Variants in ERCC2 observed in about 807,000 individuals in gnomAD.
ERCC2 encodes ERCC excision repair 2, TFIIH core complex helicase subunit.
A neutral mutation model predicts 99.4 loss-of-function variants in ERCC2; 90 were observed. The ratio of observed to expected loss-of-function variants is 0.91; its 90% CI spans 0.76 to 1.08. The LOEUF (loss-of-function observed/expected upper bound fraction) is 1.08. Among genes scored for constraint, ERCC2 ranks in the 50% least tolerant of loss-of-function variants. The pLI is 0.00. For synonymous variants in ERCC2, 497 were observed against 432.4 expected, an observed-to-expected ratio of 1.15 and a Z score of -1.85; for missense variants, 993 against 1,038.1, an observed-to-expected ratio of 0.96 and a Z score of 0.60.
chr19:45,349,892 T>G lies in ERCC2; in HGVS notation c.*1737A>C. On this transcript the variant is annotated 3_prime_UTR_variant, in exon 23 of 23. Transcript: ENST00000391945. ...GTGGCCGGCTCCCCTCTTAGCCCGG[T>G]CCCCACATCGCTAGTTCTTATAGCG... 1 of 464,304 alleles carries G rather than the reference T, an allele frequency of 2.2e-6. No individual in the cohort carries two copies. The highest frequency in any genetic ancestry group is 3.8e-6 in the Non-Finnish European group (1 of 259,930). The allele number at this position is 464,304 out of a possible 1,614,324, so 28.8% of individuals were successfully genotyped here.
In ERCC2 at chr19:45,368,714, G is replaced by T. The variant is rs982806873; in HGVS notation, c.276C>A (p.Asn92Lys). The T allele has an allele frequency of 3.1e-6, 5 of 1,613,796 alleles. No individual in the cohort carries two copies. In the African/African-American group the frequency reaches 5.3e-5, roughly 17 times the overall value. The change falls in exon 5 of 23, where the codon AAC becomes AAA. Residue 92 changes from asparagine (N) to lysine (K), a missense_variant. Asn to Lys is a moderately conservative substitution (Grantham distance 94). Coordinates refer to ENST00000391945, the MANE Select transcript of ERCC2 (RefSeq NM_000400.4). ...TCTCGCCCTCCTGCTTCTCATAGAA[G>T]TTGAGCAACTTTCGAAGCTCTTCAA... ...KVIEELRKLL[N>K]FYEKQEGEKL...
In ERCC2 at chr19:45,355,690, G is replaced by T. The variant is rs544159896; in HGVS notation, c.1518C>A (p.Ser506=). 5.4e-5 allele frequency: 87 copies of T among 1,614,196 alleles called. 1 individual carries two copies. In the South Asian group the frequency reaches 9.3e-4, roughly 17 times the overall value. Residue 506 remains serine, a synonymous_variant, in exon 16 of 23, where the codon TCC becomes TCA. Transcript: ENST00000391945. ...CAATATCCTCCCGGGTCTCAAATTT[G>T]GAGCTGATGGCCACCTGGTCATTGC... ...GRGNDQVAIS[S]KFETREDIAV... is the part of the protein sequence containing the mutation.
chr19:45,356,380 ACTC>A lies in ERCC2; in HGVS notation c.1480-655_1480-653del, dbSNP rs149467225. On this transcript the variant is annotated intron_variant, in intron 15 of 22. Coordinates refer to ENST00000391945, the MANE Select transcript of ERCC2 (RefSeq NM_000400.4). ...CCGAGTCTCTCCAGAGGCCTGACTT[ACTC>A]CTTAGTGTGATGCTTCCCAATCTTT... 2.6e-5 allele frequency among the ~76,000 whole-genome samples: 4 copies of A among 152,092 alleles called. No individual in the cohort carries two copies. The East Asian group carries it at 7.7e-4, about 29-fold the overall frequency.
At chr19:45,353,442 G>C (rs1599726982) in intron 17 of ERCC2, 108 bp from the exon 18 acceptor site, 1 of 754,042 alleles carries the variant, frequency 1.3e-6, no homozygotes, top group Admixed American at 2.0e-5. Context: ...GCCTCAGCTG[G>C]CTCATCTGAG....
At chr19:45,365,254 G>A (rs1972386338) in intron 5 of ERCC2, 96 bp from the exon 6 acceptor site, 2 of 914,662 alleles carry the variant, frequency 2.2e-6, no homozygotes, top group Non-Finnish European at 3.6e-6. Context: ...TGGGGTTTTG[G>A]ACAACTTGAA....
rs373327469 is a variant in ERCC2 at position 45,363,738 on chromosome 19, C to T, written c.1118+5G>A. ...CCCCACCCCGCGCGCTGTCTGGGGC[C>T]GCACCTGAGGGGCTTGCGCTGGATG... On this transcript the variant is annotated splice_donor_5th_base_variant and intron_variant, in intron 11 of 22. Coordinates refer to ENST00000391945, the MANE Select transcript of ERCC2 (RefSeq NM_000400.4). The T allele has an allele frequency of 1.3e-6, 2 of 1,531,130 alleles. No homozygotes were observed. Among genetic ancestry groups the T allele is most frequent in the South Asian group, 2.4e-5 (2 of 83,868 alleles). The allele number at this position is 1,531,130 out of a possible 1,614,324, so 94.8% of individuals were successfully genotyped here.
chr19:45,351,357 A>T lies in ERCC2; in HGVS notation c.*272T>A. 1 of 1,610,554 alleles carries T rather than the reference A, an allele frequency of 6.2e-7. No homozygotes were observed. Among genetic ancestry groups the T allele is most frequent in the Non-Finnish European group, 8.5e-7 (1 of 1,179,982 alleles). On this transcript the variant is annotated 3_prime_UTR_variant, in exon 23 of 23. Transcript: ENST00000391945. ...GCACCCAGGACCTGAGCCCCCACTAACGTCCAGTGAACTGCGCTGGCCGCA... is the reference window on the plus strand; with the variant it reads ...GCACCCAGGACCTGAGCCCCCACTATCGTCCAGTGAACTGCGCTGGCCGCA...
rs368521885 is a variant in ERCC2 at position 45,357,573 on chromosome 19, G to A, written c.1308-30C>T. The A allele has an allele frequency of 2.7e-5, 44 of 1,612,754 alleles. No individual in the cohort carries two copies. In the African/African-American group the frequency reaches 3.7e-4, roughly 14 times the overall value. ...AGAGAGATGAGGGCAGTGAGGGCCCGGGGGGCTGGGCCCCCGACCCACAGA... is the reference window on the plus strand; with the variant it reads ...AGAGAGATGAGGGCAGTGAGGGCCCAGGGGGCTGGGCCCCCGACCCACAGA... On this transcript the variant is annotated intron_variant, in intron 13 of 22. Coordinates refer to ENST00000391945, the MANE Select transcript of ERCC2 (RefSeq NM_000400.4).
intron 5 of ERCC2, 141 bp from the exon 6 acceptor site, chr19:45,365,299 G>C: frequency 1.4e-6 from 1 of 694,926 alleles, no homozygotes; most frequent in African/African-American, 1.8e-5. Flanking sequence ...AAGACGCGTG[G>C]GAACTTAATG....
Position 45,350,093 on chromosome 19 carries a change from C to T in ERCC2, c.*1536G>A. On this transcript the variant is annotated 3_prime_UTR_variant, in exon 23 of 23. Transcript: ENST00000391945. Reference sequence around the variant, plus strand: ...AAACCCACTCTGCCCCAGGGCAAGGCTTTAGGCAGGGGAAGGATACGGCCA... The same window carrying T: ...AAACCCACTCTGCCCCAGGGCAAGGTTTTAGGCAGGGGAAGGATACGGCCA... The T allele has an allele frequency of 1.9e-6, 1 of 533,100 alleles. No individual in the cohort carries two copies. The highest frequency in any genetic ancestry group is 3.4e-6 in the Non-Finnish European group (1 of 297,730). 33.0% of individuals were successfully genotyped at this position (533,100 alleles called of 1,614,324 possible).
intron 7 of ERCC2, 84 bp downstream of exon 7, chr19:45,364,754 C>G: frequency 7.7e-7 from 1 of 1,290,976 alleles, no homozygotes; most frequent in Non-Finnish European, 1.1e-6. Flanking sequence ...CAGCAAGCAA[C>G]AGACAGACAT....
chr19:45,369,794 G>C (rs1264772465), intron 2 of ERCC2, among the ~76,000 whole-genome samples: 2 of 152,162 alleles, frequency 1.3e-5, no homozygotes, highest in Non-Finnish European at 2.9e-5. Context: ...TCCTGCCTCA[G>C]CCTCCCGAGT....
intron 9 of ERCC2, 50 bp downstream of exon 9, chr19:45,364,185 A>AGGGTCCC (rs758264548): frequency 6.2e-7 from 1 of 1,611,188 alleles, no homozygotes; most frequent in South Asian, 1.1e-5. Context: ...GACAGGGGCC[A>AGGGTCCC]GGGTCCCAGG....
Position 45,351,616 on chromosome 19 carries a change from C to G in ERCC2, c.*13G>C. 2 of 1,613,530 alleles carry G rather than the reference C, an allele frequency of 1.2e-6. No individual in the cohort carries two copies. Among genetic ancestry groups the G allele is most frequent in the South Asian group, 2.2e-5 (2 of 91,054 alleles). ...GAGTCACCAGGAACCGTTTATGGCCCCACCCGCCCCACTCAGAGCTGCTGA... is the reference window on the plus strand; with the variant it reads ...GAGTCACCAGGAACCGTTTATGGCCGCACCCGCCCCACTCAGAGCTGCTGA... On this transcript the variant is annotated 3_prime_UTR_variant, in exon 23 of 23. Transcript: ENST00000391945.
At position 45,351,099 on chromosome 19, in the gene ERCC2, A is replaced by C. The variant is rs1040006682; in HGVS notation, c.*530T>G. On this transcript the variant is annotated 3_prime_UTR_variant, in exon 23 of 23. Transcript: ENST00000391945. ...GAGGCAAAGGCAGGGCGGTCGGGCCAGTGGTGGAGTCAGCAGGTGGTGGGT... is the reference window on the plus strand; with the variant it reads ...GAGGCAAAGGCAGGGCGGTCGGGCCCGTGGTGGAGTCAGCAGGTGGTGGGT... 2 of 1,610,328 alleles carry C rather than the reference A, an allele frequency of 1.2e-6. No individual in the cohort carries two copies. The highest frequency in any genetic ancestry group is 2.2e-5 in the East Asian group (1 of 44,820).
At chr19:45,364,587 C>T in intron 7 of ERCC2, 40 bp from the exon 8 acceptor site, 1 of 1,609,788 alleles carries the variant, frequency 6.2e-7, no homozygotes, top group South Asian at 1.1e-5. Context: ...GCCCTGCCAC[C>T]CCAACCCCTA....
chr19:45,354,105 A>G (rs968556281), intron 17 of ERCC2, among the ~76,000 whole-genome samples: 8 of 152,188 alleles, frequency 5.3e-5, no homozygotes, highest in Non-Finnish European at 7.3e-5. Flanking sequence ...GGATTAGCCA[A>G]GTTCACTCAC....
At chr19:45,352,110 A>G (rs1971819538) in intron 22 of ERCC2, 99 bp downstream of exon 22, 1 of 1,349,306 alleles carries the variant, frequency 7.4e-7, no homozygotes, top group Non-Finnish European at 1.0e-6. Context: ...GGGCAGGAGG[A>G]CAGGCAGGCT....
Position 45,370,245 on chromosome 19 carries a change from G to T in ERCC2, c.6-13C>A. 2 of 1,612,890 alleles carry T rather than the reference G, an allele frequency of 1.2e-6. No individual in the cohort carries two copies. The highest frequency in any genetic ancestry group is 1.7e-6 in the Non-Finnish European group (2 of 1,179,304). On this transcript the variant is annotated splice_polypyrimidine_tract_variant and intron_variant, in intron 1 of 22. Coordinates refer to ENST00000391945, the MANE Select transcript of ERCC2 (RefSeq NM_000400.4). The stretch of plus-strand genomic sequence containing the variant: ...GTCCACGTTGAGCCTGGCGGCAGGG[G>T]CTGCTGGGTCAGTTCCCGTCCCCTC...
Sources: allele counts gnomAD v4.1 joint callset (sites outside exome capture counted in the v4.1 genomes callset), GRCh38; gene constraint gnomAD v4.1.1; transcripts MANE v1.5; gene names NCBI Gene and HGNC (gene_info 2026-07-23, HGNC 2026-07-21).